NDST4: variants seen among roughly 807,000 people sequenced by gnomAD.
The protein encoded by NDST4 is N-heparan sulfate sulfotransferase 4.
NDST4 carries 63 observed loss-of-function variants against 100.8 expected under a neutral mutation model. The observed-to-expected ratio is 0.62, with a 90% CI of 0.51 to 0.77. NDST4 has a LOEUF of 0.77. NDST4 is among the 30% of genes least tolerant of loss of function. The probability of loss-of-function intolerance (pLI) is 0.00; values close to 1 mark genes in which losing one functional copy is unlikely to be tolerated. For missense variants in NDST4, 943 were observed against 1,018.4 expected, an observed-to-expected ratio of 0.93 and a Z score of 1.01; for synonymous variants, 377 against 361.8, an observed-to-expected ratio of 1.04 and a Z score of -0.48.
intron 2 of NDST4, among the ~76,000 whole-genome samples, chr4:115,016,986 CATGTGTGT>C (rs1317621396): frequency 3.5e-4 from 52 of 148,306 alleles, no homozygotes; most frequent in African/African-American, 1.3e-3. Context: ...TTTGAGTGTT[CATGTGTGT>C]ATGTGTGTGT....
intron 1 of NDST4, among the ~76,000 whole-genome samples, chr4:115,112,271 A>G (rs1339334273): frequency 1.3e-5 from 2 of 151,744 alleles, no homozygotes. Flanking sequence ...AAATTCAACC[A>G]ATTACAATAA....
intron 2 of NDST4, among the ~76,000 whole-genome samples, chr4:115,053,403 C>T (rs1578484939): frequency 6.6e-6 from 1 of 152,080 alleles, no homozygotes. Flanking sequence ...AAACCTAATG[C>T]TATCAAATTC....
chr4:114,860,079 A>T (rs1723887254), intron 7 of NDST4, among the ~76,000 whole-genome samples: 1 of 152,246 alleles, frequency 6.6e-6, no homozygotes, highest in Non-Finnish European at 1.5e-5. Context: ...ATATTATGTT[A>T]GAATTTACCT....
At chr4:114,939,245 C>T (rs1725697199) in intron 4 of NDST4, among the ~76,000 whole-genome samples, 1 of 152,124 alleles carries the variant, frequency 6.6e-6, no homozygotes, top group Non-Finnish European at 1.5e-5. Context: ...CTCATTACTT[C>T]ATGAGAAAAA....
chr4:115,011,463 ATT>A (rs569090018), intron 2 of NDST4, among the ~76,000 whole-genome samples: 2,750 of 144,586 alleles, frequency 0.019, 93 homozygotes, highest in African/African-American at 0.063. Context: ...AGGCATCACT[ATT>A]TTTTTTTTTT....
At chr4:115,097,649 A>C (rs1233857169) in intron 1 of NDST4, among the ~76,000 whole-genome samples, 1 of 152,096 alleles carries the variant, frequency 6.6e-6, no homozygotes, top group African/African-American at 2.4e-5. Flanking sequence ...CTTGCTCCAC[A>C]TCATTTTTTT....
intron 6 of NDST4, among the ~76,000 whole-genome samples, chr4:114,916,809 A>C (rs997737710): frequency 3.3e-5 from 5 of 151,580 alleles, no homozygotes; most frequent in African/African-American, 1.2e-4. Context: ...TGCATGCCAC[A>C]GTGCCTGGCT....
intron 2 of NDST4, among the ~76,000 whole-genome samples, chr4:115,042,355 T>A (rs916107285): frequency 3.3e-5 from 5 of 152,028 alleles, no homozygotes; most frequent in Admixed American, 3.3e-4. Context: ...AGCAGATGAT[T>A]TTAGAAGGAT....
chr4:115,074,450 T>C (rs948070455), intron 2 of NDST4, among the ~76,000 whole-genome samples: 1 of 151,970 alleles, frequency 6.6e-6, no homozygotes, highest in Admixed American at 6.6e-5. Context: ...GTTAAGCCTA[T>C]GATTTCAAAA....
intron 6 of NDST4, among the ~76,000 whole-genome samples, chr4:114,886,845 A>G (rs1382733454): frequency 6.6e-6 from 1 of 152,166 alleles, no homozygotes; most frequent in East Asian, 1.9e-4. Context: ...AAATAACAAA[A>G]CGAATTTTTG....
At chr4:114,916,385 A>G (rs900718781) in intron 6 of NDST4, among the ~76,000 whole-genome samples, 2 of 151,996 alleles carry the variant, frequency 1.3e-5, no homozygotes, top group African/African-American at 2.4e-5. Flanking sequence ...ATCTCCTTTT[A>G]TTATACATTC....
At chr4:115,054,473 T>C (rs1179856777) in intron 2 of NDST4, among the ~76,000 whole-genome samples, 2 of 152,198 alleles carry the variant, frequency 1.3e-5, no homozygotes, top group African/African-American at 4.8e-5. Context: ...AGAAATTTTA[T>C]GTTTTAAAGA....
chr4:114,992,319 C>T (rs778114069), intron 2 of NDST4, among the ~76,000 whole-genome samples: 1 of 151,766 alleles, frequency 6.6e-6, no homozygotes, highest in Non-Finnish European at 1.5e-5. Flanking sequence ...AAAAACTAAG[C>T]AGAAATTACA....
At chr4:115,001,550 A>G (rs1345486884) in intron 2 of NDST4, among the ~76,000 whole-genome samples, 1 of 151,968 alleles carries the variant, frequency 6.6e-6, no homozygotes, top group African/African-American at 2.4e-5. Context: ...CCAGAGTAGA[A>G]TTCTGTTTGA....
chr4:114,945,035 C>A (rs554071361), intron 4 of NDST4, among the ~76,000 whole-genome samples: 2 of 151,606 alleles, frequency 1.3e-5, no homozygotes, highest in Non-Finnish European at 2.9e-5. Flanking sequence ...CATGGAGAAA[C>A]CCTGTCTCTA....
chr4:115,112,612 T>A (rs540954), intron 1 of NDST4, among the ~76,000 whole-genome samples: 119,940 of 151,828 alleles, frequency 0.79, 48,279 homozygotes, highest in African/African-American at 0.94. Flanking sequence ...AGGAATTCTG[T>A]AGAATATAGT....
intron 2 of NDST4, among the ~76,000 whole-genome samples, chr4:114,999,684 C>T (rs1005528119): frequency 2.6e-5 from 4 of 152,030 alleles, no homozygotes; most frequent in Non-Finnish European, 5.9e-5. Flanking sequence ...AGCATTCCTT[C>T]CTTTTATTTT....
At chr4:114,887,354 G>A (rs1724501582) in intron 6 of NDST4, among the ~76,000 whole-genome samples, 1 of 152,158 alleles carries the variant, frequency 6.6e-6, no homozygotes. Context: ...GCACACCTGT[G>A]ACTTTTGAAT....
chr4:115,003,558 T>A (rs531275122), intron 2 of NDST4, among the ~76,000 whole-genome samples: 3 of 152,234 alleles, frequency 2.0e-5, no homozygotes, highest in African/African-American at 7.2e-5. Context: ...ATTTAAAGAC[T>A]GTATTCTTTT....
Sources: gnomAD v4.1 joint callset for allele counts (sites outside exome capture counted in the v4.1 genomes callset) on GRCh38, gnomAD v4.1.1 for gene constraint, MANE v1.5 for transcripts, NCBI Gene and HGNC (gene_info 2026-07-23, HGNC 2026-07-21) for gene names.